The following SPOCK3 variants were observed in gnomAD, a reference collection of about 807,000 sequenced individuals.
SPOCK3 encodes the protein testican-3.
In SPOCK3, 30 loss-of-function variants were observed where a neutral mutation model predicts 56.6. That is an observed-to-expected ratio of 0.53 (90% CI 0.40 to 0.72). The LOEUF is 0.72. Ranked by LOEUF, SPOCK3 falls within the 30% of genes least tolerant of loss-of-function variation. The pLI, the probability that SPOCK3 is intolerant of heterozygous loss-of-function variation, is 0.00. For synonymous variants in SPOCK3, 196 were observed against 183.3 expected, an observed-to-expected ratio of 1.07 and a Z score of -0.56; for missense variants, 527 against 530.0, an observed-to-expected ratio of 0.99 and a Z score of 0.06.
chr4:166,850,976 G>A (rs537836347), intron 6 of SPOCK3, among the ~76,000 whole-genome samples: 9 of 152,364 alleles, frequency 5.9e-5, no homozygotes, highest in African/African-American at 2.2e-4. Context: ...ACAGCTTAAG[G>A]AGGCCTGCCT....
chr4:166,799,981 A>T (rs1742368453), intron 6 of SPOCK3, among the ~76,000 whole-genome samples: 1 of 151,912 alleles, frequency 6.6e-6, no homozygotes, highest in Non-Finnish European at 1.5e-5. Context: ...GGAGATTGAG[A>T]CCATCCTGGC....
intron 2 of SPOCK3, among the ~76,000 whole-genome samples, chr4:167,189,967 C>T (rs1258694042): frequency 6.9e-6 from 1 of 145,596 alleles, no homozygotes; most frequent in Non-Finnish European, 1.5e-5. Context: ...AAAATATTTC[C>T]TCTTTTTGGC....
At chr4:166,905,814 A>G (rs1047272025) in intron 5 of SPOCK3, among the ~76,000 whole-genome samples, 6 of 152,026 alleles carry the variant, frequency 3.9e-5, no homozygotes, top group Non-Finnish European at 7.4e-5. Flanking sequence ...AAAATTAACA[A>G]TATAACAATA....
In SPOCK3 at chr4:166,794,934, C is replaced by T. The variant is rs760111330; in HGVS notation, c.590-2645G>A. 6.6e-5 allele frequency among the ~76,000 whole-genome samples: 10 copies of T among 152,228 alleles called. No homozygotes were observed. The South Asian group carries it at 1.9e-3, about 28-fold the overall frequency. Reference sequence around the variant, plus strand: ...CTGGAATTAAAGGCGTGAGTCACCGCGCCGGCCCGTTTCTTAAAAATGTAT... The same window carrying T: ...CTGGAATTAAAGGCGTGAGTCACCGTGCCGGCCCGTTTCTTAAAAATGTAT... On this transcript the variant is annotated intron_variant, in intron 6 of 10. Coordinates refer to ENST00000357545, the MANE Select transcript of SPOCK3 (RefSeq NM_001040159.2).
At chr4:167,165,331 C>G (rs1184520656) in intron 2 of SPOCK3, among the ~76,000 whole-genome samples, 1 of 152,124 alleles carries the variant, frequency 6.6e-6, no homozygotes, top group East Asian at 1.9e-4. Context: ...GATGTAATAT[C>G]CAGAATCTAC....
chr4:167,141,067 T>C (rs1763488276), intron 2 of SPOCK3, among the ~76,000 whole-genome samples: 1 of 151,990 alleles, frequency 6.6e-6, no homozygotes, highest in Admixed American at 6.6e-5. Flanking sequence ...CCAGAGGAGT[T>C]GGCCTCCTGA....
chr4:167,029,022 C>A (rs766360704), intron 3 of SPOCK3, among the ~76,000 whole-genome samples: 2 of 151,964 alleles, frequency 1.3e-5, no homozygotes, highest in Non-Finnish European at 2.9e-5. Context: ...ATGAACCCAT[C>A]ACCTAGGTAT....
At chr4:167,209,577 T>C (rs939292812) in intron 2 of SPOCK3, among the ~76,000 whole-genome samples, 2 of 152,102 alleles carry the variant, frequency 1.3e-5, no homozygotes, top group Non-Finnish European at 2.9e-5. Flanking sequence ...GAGCTCCTGT[T>C]GCCCTATCTA....
At chr4:166,910,854 T>G (rs143364298) in intron 5 of SPOCK3, among the ~76,000 whole-genome samples, 6 of 152,040 alleles carry the variant, frequency 3.9e-5, no homozygotes, top group Admixed American at 2.6e-4. Flanking sequence ...TACCACTGAC[T>G]CAATTTATTC....
chr4:166,907,189 T>C (rs1469738638), intron 5 of SPOCK3, among the ~76,000 whole-genome samples: 2 of 152,184 alleles, frequency 1.3e-5, no homozygotes, highest in East Asian at 3.9e-4. Flanking sequence ...ATCAGGCACC[T>C]GTGTCTCTAA....
chr4:166,938,183 G>C (rs1740660591), intron 4 of SPOCK3, among the ~76,000 whole-genome samples: 1 of 151,898 alleles, frequency 6.6e-6, no homozygotes, highest in South Asian at 2.1e-4. Flanking sequence ...AATGACAGAG[G>C]GAATCCTCTC....
At chr4:167,167,303 T>C (rs751840501) in intron 2 of SPOCK3, among the ~76,000 whole-genome samples, 4 of 152,158 alleles carry the variant, frequency 2.6e-5, no homozygotes, top group South Asian at 2.1e-4. Flanking sequence ...TCCTTTGCCA[T>C]TGTGAAAGCT....
At position 167,046,872 on chromosome 4, in the gene SPOCK3, A is replaced by T. The variant is rs12646174; in HGVS notation, c.235+15620T>A. 7.2e-5 allele frequency among the ~76,000 whole-genome samples: 11 copies of T among 152,324 alleles called. No individual in the cohort carries two copies. In the East Asian group the frequency reaches 2.1e-3, roughly 29 times the overall value. ...AGGCTGATTATTAAAACTAGACTTG[A>T]AGTAACAAAGAAGTTGTGGGGAGAC... On this transcript the variant is annotated intron_variant, in intron 3 of 10. Transcript: ENST00000357545.
At chr4:167,166,569 T>G (rs1279717160) in intron 2 of SPOCK3, among the ~76,000 whole-genome samples, 1 of 152,074 alleles carries the variant, frequency 6.6e-6, no homozygotes, top group Non-Finnish European at 1.5e-5. Context: ...ATAACTCTGG[T>G]TATAAAAGCA....
At chr4:167,059,184 C>A (rs994200501) in intron 3 of SPOCK3, among the ~76,000 whole-genome samples, 10 of 152,044 alleles carry the variant, frequency 6.6e-5, no homozygotes, top group Admixed American at 2.0e-4. Context: ...TTCTGCACAG[C>A]AAAAGAAACT....
intron 2 of SPOCK3, among the ~76,000 whole-genome samples, chr4:167,110,591 G>A (rs1453260264): frequency 6.6e-6 from 1 of 151,886 alleles, no homozygotes; most frequent in African/African-American, 2.4e-5. Context: ...ATTCATCAAA[G>A]AAAGTATGCA....
chr4:167,070,070 T>G (rs923033592), intron 2 of SPOCK3, among the ~76,000 whole-genome samples: 1 of 151,944 alleles, frequency 6.6e-6, no homozygotes, highest in Non-Finnish European at 1.5e-5. Context: ...GTTGAATTAT[T>G]TTTTCCACAA....
At chr4:166,793,335 A>G (rs1579243001) in intron 6 of SPOCK3, among the ~76,000 whole-genome samples, 1 of 152,190 alleles carries the variant, frequency 6.6e-6, no homozygotes, top group African/African-American at 2.4e-5. Context: ...ACCATTTCCT[A>G]GCTCTAAAGT....
intron 7 of SPOCK3, among the ~76,000 whole-genome samples, chr4:166,765,943 G>C (rs1737974894): frequency 1.3e-5 from 2 of 151,936 alleles, no homozygotes; most frequent in Non-Finnish European, 2.9e-5. Flanking sequence ...TATTCTCTTT[G>C]AAGCAATTAT....
Sources: allele counts gnomAD v4.1 joint callset (sites outside exome capture counted in the v4.1 genomes callset), GRCh38; gene constraint gnomAD v4.1.1; transcripts MANE v1.5; gene names NCBI Gene and HGNC (gene_info 2026-07-23, HGNC 2026-07-21).